Variants in ANKRD12 observed in about 807,000 individuals in gnomAD.
ANKRD12 encodes the protein ankyrin repeat domain-containing protein 12.
Under a neutral mutation model 183.4 loss-of-function variants are expected in ANKRD12, and 85 were observed. That is an observed-to-expected ratio of 0.46 (90% CI 0.39 to 0.56). The LOEUF (loss-of-function observed/expected upper bound fraction) is 0.56, where lower values mean the gene tolerates loss of function less well. Among genes scored for constraint, ANKRD12 ranks in the 20% least tolerant of loss-of-function variants. ANKRD12 has a pLI of 0.00. For synonymous variants in ANKRD12, 914 were observed against 800.2 expected, an observed-to-expected ratio of 1.14 and a Z score of -2.40; for missense variants, 2,405 against 2,357.1, an observed-to-expected ratio of 1.02 and a Z score of -0.42.
chr18:9,254,515 A>G lies in ANKRD12; in HGVS notation c.1248A>G (p.Gln416=), dbSNP rs1230441812. ...CTAAATCATTTAAAAGTAAAAAACA[A>G]AAGCCATCTAGGGTCTTATATTCAA... ...FYPKSFKSKK[Q]KPSRVLYSST... Residue 416 remains glutamine, a synonymous_variant, in exon 9 of 13, where the codon CAA becomes CAG. Transcript: ENST00000262126. 21 of 1,542,272 alleles carry G rather than the reference A, an allele frequency of 1.4e-5. No individual in the cohort carries two copies. The highest frequency in any genetic ancestry group is 2.8e-5 in the African/African-American group (2 of 71,548).
chr18:9,249,287 C>T (rs931802172), intron 8 of ANKRD12, among the ~76,000 whole-genome samples: 4 of 152,120 alleles, frequency 2.6e-5, no homozygotes, highest in Non-Finnish European at 4.4e-5. Context: ...CATCCTTCAC[C>T]GAACATAATA....
At chr18:9,179,679 C>T (rs969015459) in intron 1 of ANKRD12, among the ~76,000 whole-genome samples, 1 of 152,048 alleles carries the variant, frequency 6.6e-6, no homozygotes, top group Admixed American at 6.6e-5. Flanking sequence ...CCATGCCCAG[C>T]TAATTTTTGT....
chr18:9,230,205 A>G (rs2036963013), intron 8 of ANKRD12, among the ~76,000 whole-genome samples: 1 of 151,938 alleles, frequency 6.6e-6, no homozygotes, highest in South Asian at 2.1e-4. Flanking sequence ...TTCTGGTTTG[A>G]TTTTGGCAGG....
rs77693433 is a variant in ANKRD12, at chr18:9,195,534, A to G, written c.88-17A>G. On this transcript the variant is annotated splice_polypyrimidine_tract_variant and intron_variant, in intron 2 of 12. Coordinates refer to ENST00000262126, the MANE Select transcript of ANKRD12 (RefSeq NM_015208.5). ...GCTAATATTGATATAACTTTACTCT[A>G]TTTGACTTTTTAATAGAGTAAAGAC... 9.5e-4 allele frequency: 1,487 copies of G among 1,570,814 alleles called. 11 individuals carry two copies. In the African/African-American group the frequency reaches 0.018, roughly 19 times the overall value.
At chr18:9,186,776 A>T (rs1168791183) in intron 2 of ANKRD12, among the ~76,000 whole-genome samples, 1 of 114,504 alleles carries the variant, frequency 8.7e-6, no homozygotes, top group Non-Finnish European at 1.7e-5. Flanking sequence ...TTTTTGACGG[A>T]GTCTCGCTCT....
chr18:9,157,279 A>G (rs916880218), intron 1 of ANKRD12, among the ~76,000 whole-genome samples: 8 of 152,114 alleles, frequency 5.3e-5, no homozygotes, highest in Admixed American at 2.6e-4. Flanking sequence ...CATGAAGCCT[A>G]TTTTATAATA....
In ANKRD12 at chr18:9,282,224, G is replaced by A. The variant is rs1008208940; in HGVS notation, c.*1098G>A. On this transcript the variant is annotated 3_prime_UTR_variant, in exon 13 of 13. Coordinates refer to ENST00000262126, the MANE Select transcript of ANKRD12 (RefSeq NM_015208.5). ...GTAAAACTTTTTTACATTGCTTAAT[G>A]TTTTAAGCTTAATAGCCTTTGCACT... The A allele has an allele frequency of 1.5e-4, 23 of 152,436 alleles. No individual in the cohort carries two copies. Among genetic ancestry groups the A allele is most frequent in the African/African-American group, 3.9e-4 (16 of 41,408 alleles). 9.4% of individuals were successfully genotyped at this position (152,436 alleles called of 1,614,324 possible).
chr18:9,172,746 A>C (rs2032863703), intron 1 of ANKRD12, among the ~76,000 whole-genome samples: 1 of 152,126 alleles, frequency 6.6e-6, no homozygotes. Flanking sequence ...GCCTCAGCCC[A>C]GTTCTGTCCC....
At chr18:9,248,522 G>A (rs574210737) in intron 8 of ANKRD12, among the ~76,000 whole-genome samples, 1 of 152,240 alleles carries the variant, frequency 6.6e-6, no homozygotes, top group African/African-American at 2.4e-5. Context: ...AGCTTCTGAA[G>A]GAGGCTAAAG....
chr18:9,138,601 C>G (rs887984110), intron 1 of ANKRD12, among the ~76,000 whole-genome samples: 1 of 152,202 alleles, frequency 6.6e-6, no homozygotes, highest in Non-Finnish European at 1.5e-5. Flanking sequence ...ATCTGAGTTT[C>G]TTTAATCGTT....
chr18:9,258,325 A>G lies in ANKRD12; in HGVS notation c.5058A>G (p.Glu1686=), dbSNP rs1336697435. 8 of 1,613,680 alleles carry G rather than the reference A, an allele frequency of 5.0e-6. No homozygotes were observed. In the South Asian group the frequency reaches 7.7e-5, roughly 16 times the overall value. ...GTTTGCTTTCCATAGAAGATGAGGA[A>G]TCTCAACAAAGCATTTTATCAAGTC... ...EKCLLSIEDE[E]SQQSILSSLE... is the part of the protein sequence containing the mutation. The change falls in exon 9 of 13, where the codon GAA becomes GAG. Residue 1686 remains glutamate (E), a synonymous_variant. Transcript: ENST00000262126.
intron 3 of ANKRD12, among the ~76,000 whole-genome samples, chr18:9,203,583 A>ATATG (rs2035303567): frequency 6.6e-6 from 1 of 151,542 alleles, no homozygotes; most frequent in African/African-American, 2.4e-5. Context: ...ATATATATAT[A>ATATG]TGTGTGTGTG....
intron 11 of ANKRD12, among the ~76,000 whole-genome samples, chr18:9,278,250 GT>G (rs11337854): frequency 0.22 from 34,008 of 152,044 alleles, 4,449 homozygotes; most frequent in African/African-American, 0.36. Context: ...AGTAGCATGC[GT>G]TATTTCCTAT....
intron 8 of ANKRD12, among the ~76,000 whole-genome samples, chr18:9,237,356 T>G (rs1419642636): frequency 2.0e-5 from 3 of 152,236 alleles, no homozygotes; most frequent in Non-Finnish European, 4.4e-5. Context: ...TATAACATTC[T>G]GTCCACTTGT....
chr18:9,143,199 C>T (rs1173995619), intron 1 of ANKRD12, among the ~76,000 whole-genome samples: 1 of 151,996 alleles, frequency 6.6e-6, no homozygotes, highest in Non-Finnish European at 1.5e-5. Flanking sequence ...TCTTAAATAT[C>T]GAGTTAAGAA....
intron 8 of ANKRD12, among the ~76,000 whole-genome samples, chr18:9,226,433 G>A (rs74581369): frequency 3.3e-5 from 5 of 150,944 alleles, no homozygotes; most frequent in Non-Finnish European, 7.4e-5. Context: ...CTCAAAAAAA[G>A]AAAAAAAAAT....
intron 9 of ANKRD12, among the ~76,000 whole-genome samples, chr18:9,260,870 C>T (rs76937058): frequency 0.029 from 4,367 of 152,230 alleles, 75 homozygotes; most frequent in East Asian, 0.039. Flanking sequence ...TTTGTAACTG[C>T]ATAGCTCCAC....
At chr18:9,279,968 A>G (rs561758298) in intron 12 of ANKRD12, among the ~76,000 whole-genome samples, 4 of 152,232 alleles carry the variant, frequency 2.6e-5, no homozygotes, top group Non-Finnish European at 5.9e-5. Context: ...TTTCAAATCT[A>G]TAAATTATTT....
chr18:9,139,796 C>T (rs2078255005), intron 1 of ANKRD12, among the ~76,000 whole-genome samples: 1 of 152,182 alleles, frequency 6.6e-6, no homozygotes, highest in African/African-American at 2.4e-5. Flanking sequence ...ATCCTTGGGA[C>T]AGGAAGGGAC....
Sources: allele counts gnomAD v4.1 joint callset (sites outside exome capture counted in the v4.1 genomes callset), GRCh38; gene constraint gnomAD v4.1.1; transcripts MANE v1.5; gene names NCBI Gene and HGNC (gene_info 2026-07-23, HGNC 2026-07-21).